Variants in RPS6KC1 observed in about 807,000 individuals in gnomAD.
RPS6KC1 encodes the protein inactive ribosomal protein S6 kinase delta-1.
A neutral mutation model predicts 103.8 loss-of-function variants in RPS6KC1; 54 were observed. The observed-to-expected ratio is 0.52, with a 90% confidence interval of 0.42 to 0.65. The LOEUF is 0.65. Among genes scored for constraint, RPS6KC1 ranks in the 30% least tolerant of loss-of-function variants. The pLI, the probability that RPS6KC1 is intolerant of heterozygous loss-of-function variation, is 0.00. For synonymous variants in RPS6KC1, 439 were observed against 438.7 expected (o/e 1.00, Z -0.01); for missense variants, 1,151 against 1,253.8 (o/e 0.92, Z 1.24).
chr1:213,417,571 G>A, the RPS6KC1 span, among the ~76,000 whole-genome samples: 1 of 152,138 alleles, frequency 6.6e-6, no homozygotes, highest in African/African-American at 2.4e-5. Context: ...GCGGCTGGAG[G>A]GAGGCAATGT....
intron 1 of RPS6KC1, among the ~76,000 whole-genome samples, chr1:213,063,171 C>G (rs1461897285): frequency 6.6e-6 from 1 of 152,196 alleles, no homozygotes; most frequent in East Asian, 1.9e-4. Flanking sequence ...TTATTTTCTG[C>G]TTTTCCAAAG....
chr1:213,632,316 G>C, the RPS6KC1 span, among the ~76,000 whole-genome samples: 1 of 152,156 alleles, frequency 6.6e-6, no homozygotes, highest in Non-Finnish European at 1.5e-5. Context: ...AACAGCTCCA[G>C]TCTGCAGCTC....
rs762499668 is a variant in RPS6KC1 at position 213,167,968 on chromosome 1, T to A, written c.946T>A (p.Ser316Thr). 8.1e-6 allele frequency: 13 copies of A among 1,598,254 alleles called. No individual in the cohort carries two copies. The Admixed American group carries it at 2.2e-4, about 27-fold the overall frequency. Residue 316 changes from serine to threonine, a missense_variant, in exon 7 of 15, where the codon TCT becomes ACT. Transcript: ENST00000366960. ...LYGKPQLDDVSQPPGSLSSRP... is the reference protein window; with the variant it reads ...LYGKPQLDDVTQPPGSLSSRP... ...TGGGAAACCTCAGCTTGATGATGTA[T>A]CTCAGGTATGTCTCATATTTTGTTG...
chr1:213,199,328 T>C (rs2093066076), intron 8 of RPS6KC1, among the ~76,000 whole-genome samples: 1 of 152,188 alleles, frequency 6.6e-6, no homozygotes, highest in South Asian at 2.1e-4. Flanking sequence ...GGATATAAGG[T>C]TGGTTCAACA....
the RPS6KC1 span, among the ~76,000 whole-genome samples, chr1:213,338,588 A>G: frequency 1.3e-5 from 2 of 152,162 alleles, no homozygotes; most frequent in African/African-American, 2.4e-5. Flanking sequence ...TTCTTCTCCA[A>G]AAGAATAGAT....
chr1:213,437,391 A>G, the RPS6KC1 span, among the ~76,000 whole-genome samples: 1 of 152,158 alleles, frequency 6.6e-6, no homozygotes, highest in South Asian at 2.1e-4. Context: ...TTTTTTATGT[A>G]TCACAGGATT....
chr1:213,792,816 G>GAACTTT, the RPS6KC1 span, among the ~76,000 whole-genome samples: 1 of 151,796 alleles, frequency 6.6e-6, no homozygotes, highest in African/African-American at 2.4e-5. Context: ...CTGACTTAAG[G>GAACTTT]AACCCCCACC....
the RPS6KC1 span, among the ~76,000 whole-genome samples, chr1:213,289,400 G>A: frequency 6.6e-6 from 1 of 151,974 alleles, no homozygotes; most frequent in Non-Finnish European, 1.5e-5. Context: ...TTAATTGCCT[G>A]GCATGGTGGG....
the RPS6KC1 span, among the ~76,000 whole-genome samples, chr1:213,697,685 C>G: frequency 6.6e-6 from 1 of 152,292 alleles, no homozygotes; most frequent in Admixed American, 6.5e-5. Context: ...TAGGCCCACA[C>G]TTTGGTCCTG....
At chr1:213,146,673 C>T (rs1372497723) in intron 6 of RPS6KC1, among the ~76,000 whole-genome samples, 2 of 152,038 alleles carry the variant, frequency 1.3e-5, no homozygotes, top group South Asian at 2.1e-4. Flanking sequence ...GATCTGCCCA[C>T]GTCGGCCTCC....
intron 3 of RPS6KC1, among the ~76,000 whole-genome samples, chr1:213,091,686 T>A (rs954509126): frequency 6.6e-6 from 1 of 152,148 alleles, no homozygotes; most frequent in Non-Finnish European, 1.5e-5. Context: ...AAGGAAAAAA[T>A]TTTAAAGTAT....
the RPS6KC1 span, among the ~76,000 whole-genome samples, chr1:213,466,118 A>G: frequency 6.6e-6 from 1 of 152,114 alleles, no homozygotes; most frequent in Non-Finnish European, 1.5e-5. Context: ...CACCTAACTC[A>G]AATTCTTTTG....
chr1:213,052,862 A>C (rs1369947147), intron 1 of RPS6KC1, among the ~76,000 whole-genome samples: 3 of 152,170 alleles, frequency 2.0e-5, no homozygotes, highest in Non-Finnish European at 4.4e-5. Context: ...CTTAAAGGTT[A>C]AATAGATCAG....
At chr1:213,358,777 A>G in the RPS6KC1 span, among the ~76,000 whole-genome samples, 1 of 152,176 alleles carries the variant, frequency 6.6e-6, no homozygotes, top group Non-Finnish European at 1.5e-5. Context: ...GTTGGTTTCA[A>G]AGAACATCTT....
chr1:213,679,370 A>G, the RPS6KC1 span, among the ~76,000 whole-genome samples: 1 of 152,244 alleles, frequency 6.6e-6, no homozygotes, highest in East Asian at 1.9e-4. Flanking sequence ...AATGCTTGTG[A>G]CAGTCAGGCT....
intron 6 of RPS6KC1, among the ~76,000 whole-genome samples, chr1:213,157,401 G>T (rs1314299561): frequency 6.6e-6 from 1 of 151,852 alleles, no homozygotes; most frequent in Non-Finnish European, 1.5e-5. Flanking sequence ...TAGAGACGGG[G>T]TTTCACCGTG....
At chr1:213,500,508 G>A in the RPS6KC1 span, among the ~76,000 whole-genome samples, 1 of 152,116 alleles carries the variant, frequency 6.6e-6, no homozygotes, top group African/African-American at 2.4e-5. Flanking sequence ...AAATAAACAA[G>A]TAACATAGTT....
At chr1:213,686,030 C>G in the RPS6KC1 span, among the ~76,000 whole-genome samples, 1 of 152,044 alleles carries the variant, frequency 6.6e-6, no homozygotes, top group Non-Finnish European at 1.5e-5. Context: ...GGCTTGAGCA[C>G]CATCTTATAG....
chr1:213,617,623 A>G, the RPS6KC1 span, among the ~76,000 whole-genome samples: 1 of 152,080 alleles, frequency 6.6e-6, no homozygotes, highest in Non-Finnish European at 1.5e-5. Flanking sequence ...TTTTAAGGGG[A>G]ATGTTGAGTA....
Sources: allele counts gnomAD v4.1 joint callset (sites outside exome capture counted in the v4.1 genomes callset), GRCh38; gene constraint gnomAD v4.1.1; transcripts MANE v1.5; gene names NCBI Gene and HGNC (gene_info 2026-07-23, HGNC 2026-07-21).